SDHA: variants seen among roughly 807,000 people sequenced by gnomAD.
SDHA encodes succinate dehydrogenase [ubiquinone] flavoprotein subunit, mitochondrial.
In SDHA, 48 loss-of-function variants were observed where a neutral mutation model predicts 78.4. That is an observed-to-expected ratio of 0.61 (90% CI 0.49 to 0.78). The LOEUF (loss-of-function observed/expected upper bound fraction) is 0.78, where lower values mean the gene tolerates loss of function less well. SDHA is among the 30% of genes least tolerant of loss of function. SDHA has a pLI of 0.00. For synonymous variants in SDHA, 326 were observed against 353.9 expected (o/e 0.92, Z 0.88); for missense variants, 680 against 892.7 (o/e 0.76, Z 3.04).
At chr5:266,077 C>T in the SDHA span, among the ~76,000 whole-genome samples, 3 of 151,994 alleles carry the variant, frequency 2.0e-5, no homozygotes, top group Admixed American at 6.5e-5. Flanking sequence ...AGTCCTGGTT[C>T]GGCCTGAGAA....
downstream of SDHA, among the ~76,000 whole-genome samples, chr5:259,473 A>C (rs1579454125): frequency 1.5e-4 from 5 of 32,296 alleles, no homozygotes; most frequent in Non-Finnish European, 2.9e-4. Flanking sequence ...GCCTCCTGCC[A>C]GAGCATTACC....
At chr5:266,593 CAT>C in the SDHA span, among the ~76,000 whole-genome samples, 2 of 152,158 alleles carry the variant, frequency 1.3e-5, no homozygotes, top group African/African-American at 2.4e-5. Context: ...AAAGTGAACC[CAT>C]GTGTGTGAGG....
the SDHA span, among the ~76,000 whole-genome samples, chr5:264,018 G>A: frequency 6.6e-6 from 1 of 152,144 alleles, no homozygotes; most frequent in Non-Finnish European, 1.5e-5. Flanking sequence ...CGTACAGTGG[G>A]GAACTCAGTA....
intron 5 of SDHA, among the ~76,000 whole-genome samples, chr5:227,301 C>T (rs1735092496): frequency 6.6e-6 from 1 of 152,228 alleles, no homozygotes; most frequent in Non-Finnish European, 1.5e-5. Flanking sequence ...TGAGCCACCG[C>T]ACCCGGCCAT....
At chr5:227,907 G>T (rs563082492) in intron 5 of SDHA, 524 of 436,058 alleles carry the variant, frequency 1.2e-3, no homozygotes, top group Middle Eastern at 7.2e-3. Context: ...CCACCGGACA[G>T]TGTGGAGTGC....
intron 10 of SDHA, among the ~76,000 whole-genome samples, chr5:238,586 G>T (rs549645441): frequency 9.2e-5 from 14 of 152,226 alleles, no homozygotes; most frequent in East Asian, 5.8e-4. Flanking sequence ...CCCAGGATGG[G>T]CTTGAACTCC....
chr5:249,323 C>A (rs1365219230), intron 11 of SDHA: 2 of 239,918 alleles, frequency 8.3e-6, no homozygotes, highest in Non-Finnish European at 1.6e-5. Context: ...ATAAAGGGGA[C>A]ACGTTGGGAA....
chr5:255,960 A>T (rs1454215549), intron 14 of SDHA, among the ~76,000 whole-genome samples: 2 of 152,222 alleles, frequency 1.3e-5, no homozygotes, highest in African/African-American at 4.8e-5. Flanking sequence ...GAATATTTGC[A>T]TTATACTTAC....
intron 7 of SDHA, among the ~76,000 whole-genome samples, chr5:232,648 AAG>A (rs1382516156): frequency 6.6e-6 from 1 of 151,804 alleles, no homozygotes; most frequent in Non-Finnish European, 1.5e-5. Context: ...CCACAGAAAA[AAG>A]AGCATTGAAA....
chr5:230,663 T>C (rs10079760), intron 6 of SDHA, among the ~76,000 whole-genome samples: 38,139 of 152,016 alleles, frequency 0.25, 7,696 homozygotes, highest in African/African-American at 0.56. Flanking sequence ...AGTCCTTTCT[T>C]TGATCCCAGG....
intron 3 of SDHA, 36 bp downstream of exon 3, chr5:224,557 T>TGCAGGTCCCGC: frequency 6.2e-7 from 1 of 1,608,686 alleles, no homozygotes; most frequent in Admixed American, 1.7e-5. Flanking sequence ...TCCCACTCCG[T>TGCAGGTCCCGC]GCAGGTCCCG....
intron 1 of SDHA, chr5:220,361 C>T (rs1355475113): frequency 2.1e-5 from 9 of 434,574 alleles, no homozygotes; most frequent in African/African-American, 8.2e-5. Context: ...AATCCCTTAA[C>T]ATGAACATCC....
At chr5:240,122 C>A (rs1485779784) in intron 10 of SDHA, among the ~76,000 whole-genome samples, 1 of 152,136 alleles carries the variant, frequency 6.6e-6, no homozygotes, top group East Asian at 1.9e-4. Context: ...ACTCTAAGAT[C>A]ACTTAATGGA....
In SDHA at chr5:230,914, A is replaced by C; in HGVS notation, c.809A>C (p.His270Pro). ...ACCTACTTCAGCTGCACGTCTGCCC[A>C]CACCAGCACTGGCGACGGCACGGCC... ...GRTYFSCTSA[H>P]TSTGDGTAMI... The change falls in exon 7 of 15, where the codon CAC (histidine) becomes CCC (proline). Residue 270 changes from histidine to proline, a missense_variant. His to Pro is a moderately conservative substitution (Grantham distance 77). Coordinates refer to ENST00000264932, the MANE Select transcript of SDHA (RefSeq NM_004168.4). The C allele has an allele frequency of 6.2e-7, 1 of 1,614,118 alleles. No homozygotes were observed. Among genetic ancestry groups the C allele is most frequent in the Non-Finnish European group, 8.5e-7 (1 of 1,179,994 alleles).
At chr5:222,227 A>G (rs1221218973) in intron 1 of SDHA, among the ~76,000 whole-genome samples, 1 of 152,198 alleles carries the variant, frequency 6.6e-6, no homozygotes, top group Non-Finnish European at 1.5e-5. Flanking sequence ...GGAGAAATGA[A>G]GAATAATTTT....
At chr5:230,835 G>A in intron 6 of SDHA, 41 bp from the exon 7 acceptor site, 1 of 1,613,046 alleles carries the variant, frequency 6.2e-7, no homozygotes, top group Non-Finnish European at 8.5e-7. Flanking sequence ...AGGTCCAGAT[G>A]TGGGCCGCTG....
At chr5:262,285 C>T in the SDHA span, among the ~76,000 whole-genome samples, 79 of 103,786 alleles carry the variant, frequency 7.6e-4, 6 homozygotes, top group African/African-American at 3.5e-3. Flanking sequence ...CTCCGCCTCC[C>T]GACAGAGCAT....
In SDHA at chr5:235,400, C is replaced by T. The variant is rs565392589; in HGVS notation, c.1260+61C>T. 1.4e-5 allele frequency: 20 copies of T among 1,478,176 alleles called. No homozygotes were observed. In the African/African-American group the frequency reaches 1.8e-4, roughly 13 times the overall value. 91.6% of individuals were successfully genotyped at this position (1,478,176 alleles called of 1,614,324 possible). Reference sequence around the variant, plus strand: ...AAGGCTGGGACGACGGGGCCCACCTCGCAGTTGTCTCTTTAGATCTTACAG... The same window carrying T: ...AAGGCTGGGACGACGGGGCCCACCTTGCAGTTGTCTCTTTAGATCTTACAG... On this transcript the variant is annotated intron_variant, in intron 9 of 14. Coordinates refer to ENST00000264932, the MANE Select transcript of SDHA (RefSeq NM_004168.4).
chr5:240,773 G>C (rs1236157350), intron 11 of SDHA, among the ~76,000 whole-genome samples: 12 of 152,066 alleles, frequency 7.9e-5, no homozygotes, highest in African/African-American at 2.9e-4. Flanking sequence ...GTGAGAATGT[G>C]TGACACTTGA....
Sources: allele counts gnomAD v4.1 joint callset (sites outside exome capture counted in the v4.1 genomes callset), GRCh38; gene constraint gnomAD v4.1.1; transcripts MANE v1.5; gene names NCBI Gene and HGNC (gene_info 2026-07-23, HGNC 2026-07-21).